FBH1: variants seen among roughly 807,000 people sequenced by gnomAD.
FBH1 encodes F-box DNA helicase 1.
A neutral mutation model predicts 115.5 loss-of-function variants in FBH1; 43 were observed. The observed-to-expected ratio is 0.37, with a 90% confidence interval of 0.29 to 0.48. The LOEUF is 0.48. Ranked by LOEUF, FBH1 falls within the 20% of genes least tolerant of loss-of-function variation. FBH1 has a pLI of 0.99. For missense variants in FBH1, 1,001 were observed against 1,337.3 expected (o/e 0.75, Z 3.92); for synonymous variants, 524 against 507.8 (o/e 1.03, Z -0.43).
rs1051029698 is a variant in FBH1, at chr10:5,897,423, T to C, written c.2-5597T>C. ...AGGAGGTGGACACAGGGCTCCTGGC[T>C]CCCAGTTCAGAGCATCACAGCACCT... On this transcript the variant is annotated intron_variant, in intron 1 of 20. Transcript: ENST00000362091. The surrounding 1 kb of genome is among the most constrained non-coding windows in gnomAD (Gnocchi z 4.7). 6.6e-6 allele frequency among the ~76,000 whole-genome samples: 1 copy of C among 151,962 alleles called. No individual in the cohort carries two copies.
At position 5,911,396 on chromosome 10, in the gene FBH1, G is replaced by A. The variant is rs1299862852; in HGVS notation, c.1211+268G>A. 1.3e-5 allele frequency among the ~76,000 whole-genome samples: 2 copies of A among 152,214 alleles called. No individual in the cohort carries two copies. Among genetic ancestry groups the A allele is most frequent in the East Asian group, 3.8e-4 (2 of 5,200 alleles). On this transcript the variant is annotated intron_variant, in intron 6 of 20. Transcript: ENST00000362091. The surrounding 1 kb of genome is among the most constrained non-coding windows in gnomAD (Gnocchi z 5.4). ...ACCATCATGGGTCCTGCAGCCTTAG[G>A]GGAAGCCCCTCGCCAAGAGAAGCCT...
At position 5,918,226 on chromosome 10, in the gene FBH1, G is replaced by C; in HGVS notation, c.1964-116G>C. The C allele has an allele frequency of 7.8e-7, 1 of 1,280,106 alleles. No homozygotes were observed. Among genetic ancestry groups the C allele is most frequent in the Non-Finnish European group, 1.1e-6 (1 of 925,030 alleles). 79.3% of individuals were successfully genotyped at this position (1,280,106 alleles called of 1,614,324 possible). On this transcript the variant is annotated intron_variant, in intron 12 of 20. Transcript: ENST00000362091. The surrounding 1 kb of genome is among the most constrained non-coding windows in gnomAD (Gnocchi z 4.0). ...GTGTGCCTGTCCTACAGGAAAAGGCGACCGTGAGGTCCAGTGTGCCCTGGC... is the reference window on the plus strand; with the variant it reads ...GTGTGCCTGTCCTACAGGAAAAGGCCACCGTGAGGTCCAGTGTGCCCTGGC...
chr10:5,922,699 T>C (rs1316235165), intron 15 of FBH1, among the ~76,000 whole-genome samples: 4 of 152,136 alleles, frequency 2.6e-5, no homozygotes, highest in Admixed American at 2.0e-4. Flanking sequence ...GATGACAAGC[T>C]CTTGGAGTGT....
At chr10:5,916,543 GA>G in intron 10 of FBH1, 87 bp downstream of exon 10, 1 of 1,196,882 alleles carries the variant, frequency 8.4e-7, no homozygotes, top group Admixed American at 1.9e-5. Flanking sequence ...GGAAACAGGG[GA>G]AGTGTTAGGG....
rs1210649675 is a variant in FBH1, at chr10:5,911,222, A to G, written c.1211+94A>G. 1.2e-5 allele frequency: 16 copies of G among 1,304,994 alleles called. No homozygotes were observed. Among genetic ancestry groups the G allele is most frequent in the Non-Finnish European group, 1.7e-5 (16 of 948,942 alleles). The allele number at this position is 1,304,994 out of a possible 1,614,324, so 80.8% of individuals were successfully genotyped here. ...AGCCCTGCCACTTAGCAGTGTTAGC[A>G]CCTGGCAGGCTGTGGGACCCACCTG... On this transcript the variant is annotated intron_variant, in intron 6 of 20. Coordinates refer to ENST00000362091, the MANE Select transcript of FBH1 (RefSeq NM_178150.3). The surrounding 1 kb of genome is among the most constrained non-coding windows in gnomAD (Gnocchi z 5.4).
chr10:5,915,981 G>A lies in FBH1; in HGVS notation c.1566-253G>A. 1 of 525,708 alleles carries A rather than the reference G, an allele frequency of 1.9e-6. No homozygotes were observed. Among genetic ancestry groups the A allele is most frequent in the Non-Finnish European group, 3.4e-6 (1 of 292,542 alleles). 32.6% of individuals were successfully genotyped at this position (525,708 alleles called of 1,614,324 possible). A position where few individuals can be genotyped will look rare whatever the true frequency, so the allele number is the denominator to read the frequency against. ...CAAGGGTCCCTCCGGGGACCTTCTG[G>A]AGCCCAGCTTCATGGTGGAATAGCA... On this transcript the variant is annotated intron_variant, in intron 9 of 20. Coordinates refer to ENST00000362091, the MANE Select transcript of FBH1 (RefSeq NM_178150.3). The surrounding 1 kb of genome is among the most constrained non-coding windows in gnomAD (Gnocchi z 5.2).
Position 5,904,841 on chromosome 10 carries a change from T to G in FBH1, c.158-1196T>G, listed in dbSNP as rs1047744666. ...GAAACAGTTAACCGTTATAATTTTT[T>G]TTTTAAATTTTACTAATATAGAAAA... is the stretch of plus-strand genomic sequence containing the variant. On this transcript the variant is annotated intron_variant, in intron 2 of 20. Coordinates refer to ENST00000362091, the MANE Select transcript of FBH1 (RefSeq NM_178150.3). Among the ~76,000 whole-genome samples the G allele has an allele frequency of 3.9e-5, 6 of 152,304 alleles. No homozygotes were observed. The South Asian group carries it at 6.2e-4, about 16-fold the overall frequency.
chr10:5,935,963 C>A lies in FBH1; in HGVS notation c.2830-493C>A. The A allele has an allele frequency of 6.5e-6, 1 of 153,968 alleles. No individual in the cohort carries two copies. Among genetic ancestry groups the A allele is most frequent in the Admixed American group, 6.4e-5 (1 of 15,644 alleles). 9.5% of individuals were successfully genotyped at this position (153,968 alleles called of 1,614,324 possible). A position where few individuals can be genotyped will look rare whatever the true frequency, so the allele number is the denominator to read the frequency against. ...CTCAGCAGCCACCTGAAGCAGGCAC[C>A]GTGCCATCTGCATTTATGGATAAAG... is the stretch of plus-strand genomic sequence containing the variant. On this transcript the variant is annotated intron_variant, in intron 19 of 20. Coordinates refer to ENST00000362091, the MANE Select transcript of FBH1 (RefSeq NM_178150.3). This position sits in a 1 kb window ranked among gnomAD's most constrained non-coding sequence, Gnocchi z 5.2.
In FBH1 at chr10:5,935,476, C is replaced by T. The variant is rs1304095028; in HGVS notation, c.2830-980C>T. ...TGGGTTGGAGGGACCTCGCCAGGTTCATGGTCTTGGCTGTCTCTCGGGAAG... is the reference window on the plus strand; with the variant it reads ...TGGGTTGGAGGGACCTCGCCAGGTTTATGGTCTTGGCTGTCTCTCGGGAAG... On this transcript the variant is annotated intron_variant, in intron 19 of 20. Transcript: ENST00000362091. The surrounding 1 kb of genome is among the most constrained non-coding windows in gnomAD (Gnocchi z 5.2). 1 of 152,188 alleles carries T rather than the reference C, an allele frequency of 6.6e-6. No homozygotes were observed. Among genetic ancestry groups the T allele is most frequent in the African/African-American group, 2.4e-5 (1 of 41,432 alleles). The allele number at this position is 152,188 out of a possible 1,614,324, so 9.4% of individuals were successfully genotyped here.
At position 5,915,908 on chromosome 10, in the gene FBH1, A is replaced by C. The variant is rs1181740497; in HGVS notation, c.1566-326A>C. The C allele has an allele frequency of 2.2e-6, 1 of 464,642 alleles. No individual in the cohort carries two copies. 28.8% of individuals were successfully genotyped at this position (464,642 alleles called of 1,614,324 possible). A position where few individuals can be genotyped will look rare whatever the true frequency, so the allele number is the denominator to read the frequency against. On this transcript the variant is annotated intron_variant, in intron 9 of 20. Coordinates refer to ENST00000362091, the MANE Select transcript of FBH1 (RefSeq NM_178150.3). The surrounding 1 kb of genome is among the most constrained non-coding windows in gnomAD (Gnocchi z 5.2). ...GAAGGGAGTGAGGAAGACTCAGCCG[A>C]GGCACACTTGACCCAGGTCTCCTGG...
chr10:5,933,162 C>A lies in FBH1; in HGVS notation c.2830-3294C>A, dbSNP rs113761953. Among the ~76,000 whole-genome samples the A allele has an allele frequency of 2.6e-5, 4 of 151,938 alleles. No individual in the cohort carries two copies. Among genetic ancestry groups the A allele is most frequent in the South Asian group, 4.1e-4 (2 of 4,830 alleles). ...CAGTACTTTGGGAGGCCTAGGAGGG[C>A]GGATCACTTGATGTCAGGAGTTCAA... On this transcript the variant is annotated intron_variant, in intron 19 of 20. Coordinates refer to ENST00000362091, the MANE Select transcript of FBH1 (RefSeq NM_178150.3). The surrounding 1 kb of genome is among the most constrained non-coding windows in gnomAD (Gnocchi z 4.9).
chr10:5,901,415 C>T (rs1046960339), intron 1 of FBH1, among the ~76,000 whole-genome samples: 3 of 152,094 alleles, frequency 2.0e-5, no homozygotes, highest in Non-Finnish European at 4.4e-5. Context: ...GCCTCGGCCT[C>T]CCAAAGTGCT....
rs746215865 is a variant in FBH1 at position 5,895,167 on chromosome 10, T to C, written c.1+4821T>C. 1 of 1,613,762 alleles carries C rather than the reference T, an allele frequency of 6.2e-7. No homozygotes were observed. Among genetic ancestry groups the C allele is most frequent in the South Asian group, 1.1e-5 (1 of 91,042 alleles). ...CAGAGGACGAGTGCCCACTTGCTGG[T>C]CTTCACAGAGCACGCTGAAAGTAAG... On this transcript the variant is annotated intron_variant, in intron 1 of 20. Coordinates refer to ENST00000362091, the MANE Select transcript of FBH1 (RefSeq NM_178150.3). The surrounding 1 kb of genome is among the most constrained non-coding windows in gnomAD (Gnocchi z 5.0).
Position 5,902,902 on chromosome 10 carries a change from G to A in FBH1, c.2-118G>A. On this transcript the variant is annotated intron_variant, in intron 1 of 20. Coordinates refer to ENST00000362091, the MANE Select transcript of FBH1 (RefSeq NM_178150.3). ...CAAGGGGAGGGGGGAACGGTTGGCT[G>A]GGGTGTTGACAAAATCGTGTCACTA... 3 of 914,276 alleles carry A rather than the reference G, an allele frequency of 3.3e-6. No individual in the cohort carries two copies. In the South Asian group the frequency reaches 7.0e-5, roughly 21 times the overall value. The allele number at this position is 914,276 out of a possible 1,614,324, so 56.6% of individuals were successfully genotyped here.
In FBH1 at chr10:5,915,104, C is replaced by G. The variant is rs1831845654; in HGVS notation, c.1397-299C>G. ...GGGGTCCTTTTTGCCCTCGGGAACC[C>G]TACCTCTAATGGATACCCACTTATT... is the stretch of plus-strand genomic sequence containing the variant. On this transcript the variant is annotated intron_variant, in intron 8 of 20. Coordinates refer to ENST00000362091, the MANE Select transcript of FBH1 (RefSeq NM_178150.3). The surrounding 1 kb of genome is among the most constrained non-coding windows in gnomAD (Gnocchi z 5.2). Among the ~76,000 whole-genome samples, 3 of 152,100 alleles carry G rather than the reference C, an allele frequency of 2.0e-5. No homozygotes were observed. The highest frequency in any genetic ancestry group is 4.4e-5 in the Non-Finnish European group (3 of 68,026).
At chr10:5,903,254 T>C (rs2131892117) in intron 2 of FBH1, 79 bp downstream of exon 2, 1 of 1,170,906 alleles carries the variant, frequency 8.5e-7, no homozygotes. Context: ...TTAAAAGTAT[T>C]TGTAAATGTT....
rs1833363455 is a variant in FBH1 at position 5,936,464 on chromosome 10, C to T, written c.2838C>T (p.Phe946=). Residue 946 remains phenylalanine, a synonymous_variant, in exon 20 of 21, where the codon TTC becomes TTT. Coordinates refer to ENST00000362091, the MANE Select transcript of FBH1 (RefSeq NM_178150.3). This position sits in a 1 kb window ranked among gnomAD's most constrained non-coding sequence, Gnocchi z 5.6. ...ENILTLAGEY[F]LQAELTSNVL... The stretch of plus-strand genomic sequence containing the variant: ...CGCTCTTTCTTTCTCAGGAGTACTT[C>T]TTGCAAGCAGAGCTGACAAGCAACG... The T allele has an allele frequency of 6.2e-7, 1 of 1,613,680 alleles. No individual in the cohort carries two copies. The highest frequency in any genetic ancestry group is 1.1e-5 in the South Asian group (1 of 91,058).
rs370339089 is a variant in FBH1 at position 5,923,722 on chromosome 10, A to T, written c.2398+26A>T. ...GTGAGTACCCACCTGGCCTTGGTGC[A>T]TTGGAAGGACGCACCCAAGTGACAG... On this transcript the variant is annotated intron_variant, in intron 16 of 20. Transcript: ENST00000362091. The surrounding 1 kb of genome is among the most constrained non-coding windows in gnomAD (Gnocchi z 5.7). 3.8e-6 allele frequency: 6 copies of T among 1,597,560 alleles called. No homozygotes were observed. The African/African-American group carries it at 6.7e-5, about 18-fold the overall frequency.
chr10:5,890,506 C>T (rs1376669035), intron 1 of FBH1, among the ~76,000 whole-genome samples, 160 bp downstream of exon 1: 10 of 150,680 alleles, frequency 6.6e-5, no homozygotes, highest in African/African-American at 1.5e-4. Context: ...CGTGGGGGCT[C>T]GGCCGTCCGG....
Sources: allele counts gnomAD v4.1 joint callset (sites outside exome capture counted in the v4.1 genomes callset), GRCh38; gene constraint gnomAD v4.1.1; non-coding constraint Gnocchi (gnomAD v3.1); transcripts MANE v1.5; gene names NCBI Gene and HGNC (gene_info 2026-07-23, HGNC 2026-07-21).